SIK3: variants seen among roughly 807,000 people sequenced by gnomAD.
SIK3 encodes SIK family kinase 3.
Under a neutral mutation model 144.2 loss-of-function variants are expected in SIK3, and 28 were observed. The observed-to-expected ratio is 0.19, with a 90% CI of 0.14 to 0.27. SIK3 has a LOEUF of 0.27. SIK3 is among the 10% of genes least tolerant of loss of function. The pLI is 1.00. For missense variants in SIK3, 1,319 were observed against 1,776.0 expected (o/e 0.74, Z 4.62); for synonymous variants, 686 against 676.3 (o/e 1.01, Z -0.22).
At position 116,849,648 on chromosome 11, in the gene SIK3, C is replaced by G. The variant is rs1942275043; in HGVS notation, c.3656-365G>C. On this transcript the variant is annotated intron_variant, in intron 21 of 24. Transcript: ENST00000445177. This position sits in a 1 kb window ranked among gnomAD's most constrained non-coding sequence, Gnocchi z 4.2. ...GACCCTCTAGCCCTAGAGGATGCAT[C>G]TGTTCTGTGGCTGGCTGCGTCCTCT... Among the ~76,000 whole-genome samples the G allele has an allele frequency of 6.6e-6, 1 of 152,196 alleles. No homozygotes were observed. The highest frequency in any genetic ancestry group is 1.5e-5 in the Non-Finnish European group (1 of 68,030).
chr11:116,862,351 G>A lies in SIK3; in HGVS notation c.2104-24C>T, dbSNP rs1348759080. The A allele has an allele frequency of 1.9e-6, 3 of 1,613,924 alleles. No homozygotes were observed. In the South Asian group the frequency reaches 3.3e-5, roughly 18 times the overall value. On this transcript the variant is annotated intron_variant, in intron 16 of 24. Transcript: ENST00000445177. ...TCCTGAAGGGAAAGTAGTTAATACA[G>A]ATGGGATGCAGCCAGACCCGCCTCA...
At chr11:116,898,564 T>C (rs1945555183) in intron 4 of SIK3, among the ~76,000 whole-genome samples, 1 of 152,150 alleles carries the variant, frequency 6.6e-6, no homozygotes, top group Non-Finnish European at 1.5e-5. Flanking sequence ...ACTTCCACAA[T>C]GGTGGAACTA....
intron 1 of SIK3, among the ~76,000 whole-genome samples, chr11:117,003,898 C>A (rs1428451394): frequency 6.6e-6 from 1 of 152,014 alleles, no homozygotes; most frequent in South Asian, 2.1e-4. Context: ...TATACTTTAA[C>A]GAGAAATGTT....
chr11:116,941,231 C>A (rs1331583900), intron 3 of SIK3, among the ~76,000 whole-genome samples: 2 of 152,068 alleles, frequency 1.3e-5, no homozygotes, highest in Non-Finnish European at 2.9e-5. Flanking sequence ...TGGTCTCAAT[C>A]TCCTGACCTC....
intron 1 of SIK3, among the ~76,000 whole-genome samples, chr11:117,086,175 A>G (rs771756673): frequency 6.6e-6 from 1 of 152,192 alleles, no homozygotes; most frequent in Non-Finnish European, 1.5e-5. Context: ...ACAATATCCT[A>G]TATGGCCCAA....
intron 4 of SIK3, among the ~76,000 whole-genome samples, chr11:116,925,699 T>C (rs764258608): frequency 6.6e-6 from 1 of 152,240 alleles, no homozygotes; most frequent in African/African-American, 2.4e-5. Flanking sequence ...ATTAATTTAA[T>C]TGAAGCTACA....
At chr11:116,852,212 T>G (rs994596648) in intron 21 of SIK3, among the ~76,000 whole-genome samples, 1 of 152,190 alleles carries the variant, frequency 6.6e-6, no homozygotes, top group African/African-American at 2.4e-5. Flanking sequence ...TTAAGGCTCT[T>G]TTCCTTCCCT....
intron 1 of SIK3, among the ~76,000 whole-genome samples, chr11:116,981,387 G>A (rs1950135559): frequency 6.6e-6 from 1 of 152,202 alleles, no homozygotes; most frequent in African/African-American, 2.4e-5. Context: ...GTATGCTGAT[G>A]GGTTCCAAGA....
intron 1 of SIK3, among the ~76,000 whole-genome samples, chr11:117,062,599 A>G (rs991446336): frequency 6.6e-6 from 1 of 152,232 alleles, no homozygotes; most frequent in Admixed American, 6.5e-5. Context: ...CAGTAAGTCC[A>G]AATTCACTTT....
chr11:116,980,646 A>T (rs561872917), intron 1 of SIK3, among the ~76,000 whole-genome samples: 1 of 152,166 alleles, frequency 6.6e-6, no homozygotes, highest in Non-Finnish European at 1.5e-5. Context: ...TGAGCTCAGG[A>T]GCTCAAGACC....
intron 1 of SIK3, among the ~76,000 whole-genome samples, chr11:116,964,679 G>A (rs1049363153): frequency 6.6e-6 from 1 of 152,030 alleles, no homozygotes; most frequent in African/African-American, 2.4e-5. Flanking sequence ...TCAGGAGCTC[G>A]AGACCAGCCT....
At chr11:117,083,831 A>C (rs1954892303) in intron 1 of SIK3, among the ~76,000 whole-genome samples, 1 of 152,244 alleles carries the variant, frequency 6.6e-6, no homozygotes, top group African/African-American at 2.4e-5. Flanking sequence ...TACTACAAGA[A>C]AATGTCAACT....
chr11:117,026,113 C>A (rs937451798), intron 1 of SIK3, among the ~76,000 whole-genome samples: 10 of 152,160 alleles, frequency 6.6e-5, no homozygotes, highest in Non-Finnish European at 1.0e-4. Context: ...CACCATATAC[C>A]AACAGAGGTC....
intron 1 of SIK3, among the ~76,000 whole-genome samples, chr11:117,010,781 T>C (rs1951219410): frequency 6.6e-6 from 1 of 152,224 alleles, no homozygotes; most frequent in Admixed American, 6.5e-5. Flanking sequence ...AAATAACATA[T>C]GTATAAATGT....
intron 6 of SIK3, among the ~76,000 whole-genome samples, chr11:116,879,519 T>C (rs1944444022): frequency 6.6e-6 from 1 of 152,244 alleles, no homozygotes; most frequent in African/African-American, 2.4e-5. Context: ...TGGATATAAA[T>C]TGATCTACTT....
chr11:116,961,130 C>A (rs897629653), intron 1 of SIK3, among the ~76,000 whole-genome samples: 1 of 152,224 alleles, frequency 6.6e-6, no homozygotes, highest in Non-Finnish European at 1.5e-5. Context: ...CAAGACCCGA[C>A]CCTGAGGGCT....
chr11:117,065,778 C>T (rs1251077767), intron 1 of SIK3, among the ~76,000 whole-genome samples: 1 of 151,738 alleles, frequency 6.6e-6, no homozygotes, highest in Non-Finnish European at 1.5e-5. Flanking sequence ...TACAGGCATG[C>T]ACCACCACAC....
intron 3 of SIK3, among the ~76,000 whole-genome samples, chr11:116,929,891 T>G (rs1272654796): frequency 6.6e-6 from 1 of 152,210 alleles, no homozygotes; most frequent in Middle Eastern, 3.2e-3. Flanking sequence ...AAAGGTGATT[T>G]TCTACACATC....
chr11:116,996,817 CTCAAA>C (rs1950683869), intron 1 of SIK3, among the ~76,000 whole-genome samples: 1 of 51,018 alleles, frequency 2.0e-5, no homozygotes, highest in Admixed American at 3.1e-4. Context: ...GAGACTCTCT[CTCAAA>C]AAAAAAAAAA....
Sources: allele counts gnomAD v4.1 joint callset (sites outside exome capture counted in the v4.1 genomes callset), GRCh38; gene constraint gnomAD v4.1.1; non-coding constraint Gnocchi (gnomAD v3.1); transcripts MANE v1.5; gene names NCBI Gene and HGNC (gene_info 2026-07-23, HGNC 2026-07-21).